Variants in CCKBR observed in about 807,000 individuals in gnomAD.
CCKBR encodes gastrin/cholecystokinin type B receptor.
In CCKBR, 33 loss-of-function variants were observed where a neutral mutation model predicts 34.6. The ratio of observed to expected loss-of-function variants is 0.95; its 90% CI spans 0.72 to 1.27. CCKBR has a LOEUF of 1.27. CCKBR is among the 50% of genes most tolerant of loss of function. CCKBR has a pLI of 0.00. For synonymous variants in CCKBR, 269 were observed against 267.5 expected (o/e 1.01, Z -0.06); for missense variants, 652 against 617.4 (o/e 1.06, Z -0.59).
Position 6,271,111 on chromosome 11 carries a change from G to C in CCKBR, c.912G>C (p.Leu304=). ...YVQLPRSRPA[L]ELTALTAPGP... ...AACTTCCACGTTCCCGGCCTGCCCT[G>C]GAGCTGACGGCGCTGACGGCTCCTG... The change falls in exon 5 of 5, where the codon CTG becomes CTC. Residue 304 remains leucine (L), a synonymous_variant. Coordinates refer to ENST00000334619, the MANE Select transcript of CCKBR (RefSeq NM_176875.4). 1 of 1,614,058 alleles carries C rather than the reference G, an allele frequency of 6.2e-7. No individual in the cohort carries two copies. Among genetic ancestry groups the C allele is most frequent in the Non-Finnish European group, 8.5e-7 (1 of 1,179,972 alleles).
chr11:6,270,868 T>C, intron 4 of CCKBR, 65 bp downstream of exon 4: 1 of 1,612,430 alleles, frequency 6.2e-7, no homozygotes, highest in Non-Finnish European at 8.5e-7. Flanking sequence ...CGGGGCCTGC[T>C]GGAGTGGGTG....
At position 6,270,312 on chromosome 11, in the gene CCKBR, C is replaced by T. The variant is rs763838521; in HGVS notation, c.628C>T (p.Pro210Ser). The T allele has an allele frequency of 3.1e-6, 5 of 1,612,836 alleles. No individual in the cohort carries two copies. Among genetic ancestry groups the T allele is most frequent in the Admixed American group, 1.7e-5 (1 of 59,988 alleles). Reference protein sequence around the residue: ...PRVLQCVHRWPSARVRQTWSV... With the variant: ...PRVLQCVHRWSSARVRQTWSV... The stretch of plus-strand genomic sequence containing the variant: ...TGTGCTGCAGTGCGTGCATCGCTGG[C>T]CCAGTGCGCGGGTCCGCCAGACCTG... Residue 210 changes from proline (P) to serine (S), a missense_variant, in exon 3 of 5, where the codon CCC becomes TCC. Transcript: ENST00000334619.
In CCKBR at chr11:6,271,787, G is replaced by A; in HGVS notation, c.*244G>A. ...CCATAGAAACATGACACTGACCTTG[G>A]AGAGACACAGCGTCCCTAGCAGTGA... is the stretch of plus-strand genomic sequence containing the variant. On this transcript the variant is annotated 3_prime_UTR_variant, in exon 5 of 5. Transcript: ENST00000334619. 2.0e-6 allele frequency: 1 copy of A among 498,684 alleles called. No homozygotes were observed. Among genetic ancestry groups the A allele is most frequent in the East Asian group, 3.1e-5 (1 of 31,912 alleles). 30.9% of individuals were successfully genotyped at this position (498,684 alleles called of 1,614,324 possible).
intron 1 of CCKBR, among the ~76,000 whole-genome samples, chr11:6,262,672 C>A: frequency 7.7e-6 from 1 of 130,706 alleles, no homozygotes; most frequent in South Asian, 2.5e-4. Flanking sequence ...TTCAAGAAGT[C>A]TGGTAGGCAA....
rs764173521 is a variant in CCKBR at position 6,261,462 on chromosome 11, T to TATATATATACATAC, written c.151+1384_151+1385insTATATATACATACA. Among the ~76,000 whole-genome samples the TATATATATACATAC allele has an allele frequency of 4.7e-5, 3 of 64,016 alleles. 1 individual carries two copies. The highest frequency in any genetic ancestry group is 8.5e-5 in the Non-Finnish European group (3 of 35,166). The allele number at this position is 64,016 out of a possible 152,430, so 42.0% of individuals were successfully genotyped here. ...AAAAAAAAAAAAAAAAAAATATATATACACACACACACACACACACACACA... is the reference window on the plus strand; with the variant it reads ...AAAAAAAAAAAAAAAAAAATATATATATATATATACATACACACACACACACACACACACACACA... On this transcript the variant is annotated intron_variant, in intron 1 of 4. Transcript: ENST00000334619.
In CCKBR at chr11:6,269,796, C is replaced by T; in HGVS notation, c.279C>T (p.Leu93=). The T allele has an allele frequency of 2.5e-6, 4 of 1,614,180 alleles. No individual in the cohort carries two copies. The highest frequency in any genetic ancestry group is 3.4e-6 in the Non-Finnish European group (4 of 1,180,030). Residue 93 remains leucine, a synonymous_variant, in exon 2 of 5, where the codon CTC becomes CTT. Transcript: ENST00000334619. ...TGAGGACTGTCACCAATGCCTTCCT[C>T]CTCTCACTGGCAGTCAGCGACCTCC... ...RRLRTVTNAF[L]LSLAVSDLLL...
chr11:6,268,263 T>C (rs1028181208), intron 1 of CCKBR, among the ~76,000 whole-genome samples: 2 of 152,268 alleles, frequency 1.3e-5, no homozygotes, highest in African/African-American at 2.4e-5. Context: ...TCAGTCAAAG[T>C]ATGGGGCTCT....
At chr11:6,265,649 T>C (rs118162102) in intron 1 of CCKBR, among the ~76,000 whole-genome samples, 1 of 151,818 alleles carries the variant, frequency 6.6e-6, no homozygotes, top group Admixed American at 6.6e-5. Context: ...CTGACAGAGG[T>C]CTCCCTCCTA....
At position 6,260,098 on chromosome 11, in the gene CCKBR, C is replaced by A. The variant is rs199635212; in HGVS notation, c.151+19C>A. 178 of 1,572,078 alleles carry A rather than the reference C, an allele frequency of 1.1e-4. 1 individual carries two copies. The highest frequency in any genetic ancestry group is 4.1e-4 in the Admixed American group (23 of 56,604). ...ACACGAGGTGGGTGCCTCCCTCAGC[C>A]CCCCCCACAAGCTATTTCTCACTGT... On this transcript the variant is annotated intron_variant, in intron 1 of 4. Transcript: ENST00000334619.
At position 6,262,737 on chromosome 11, in the gene CCKBR, G is replaced by A. The variant is rs530029605; in HGVS notation, c.151+2658G>A. Among the ~76,000 whole-genome samples the A allele has an allele frequency of 5.8e-3, 813 of 139,738 alleles. 4 individuals are homozygous for A. Among genetic ancestry groups the A allele is most frequent in the Non-Finnish European group, 7.1e-3 (461 of 64,728 alleles). 91.7% of individuals were successfully genotyped at this position (139,738 alleles called of 152,430 possible). A position where few individuals can be genotyped will look rare whatever the true frequency, so the allele number is the denominator to read the frequency against. On this transcript the variant is annotated intron_variant, in intron 1 of 4. Coordinates refer to ENST00000334619, the MANE Select transcript of CCKBR (RefSeq NM_176875.4). Reference sequence around the variant, plus strand: ...GAGAGAGAGAGAGAAAGAAAAGCAGGATATTGCCAAAAATAGCATGAGATT... The same window carrying A: ...GAGAGAGAGAGAGAAAGAAAAGCAGAATATTGCCAAAAATAGCATGAGATT...
At chr11:6,265,800 G>A (rs528821127) in intron 1 of CCKBR, among the ~76,000 whole-genome samples, 1 of 152,250 alleles carries the variant, frequency 6.6e-6, no homozygotes, top group Non-Finnish European at 1.5e-5. Context: ...CAAAAGTTAT[G>A]CATCTGAAAT....
chr11:6,269,617 T>C, intron 1 of CCKBR, 52 bp from the exon 2 acceptor site: 1 of 1,592,712 alleles, frequency 6.3e-7, no homozygotes, highest in Non-Finnish European at 8.5e-7. Flanking sequence ...GAGGGGGATT[T>C]GACTGAATGA....
chr11:6,270,866 G>A (rs1190497267), intron 4 of CCKBR, 63 bp downstream of exon 4: 1 of 1,612,618 alleles, frequency 6.2e-7, no homozygotes, highest in Admixed American at 1.7e-5. Flanking sequence ...GACGGGGCCT[G>A]CTGGAGTGGG....
intron 1 of CCKBR, among the ~76,000 whole-genome samples, chr11:6,260,449 G>A (rs1332823634): frequency 1.3e-5 from 2 of 152,124 alleles, no homozygotes; most frequent in Admixed American, 6.5e-5. Flanking sequence ...CCAGTTCACA[G>A]AGCCACAACA....
At position 6,260,072 on chromosome 11, in the gene CCKBR, G is replaced by T; in HGVS notation, c.144G>T (p.Gly48=). The part of the protein sequence containing the change: ...SCEPPRIRGA[G]TRELELAIRI... ...AGCCCCCTCGCATTCGCGGAGCCGG[G>T]ACACGAGGTGGGTGCCTCCCTCAGC... The change falls in exon 1 of 5, where the codon GGG becomes GGT. Residue 48 remains glycine, a synonymous_variant. Coordinates refer to ENST00000334619, the MANE Select transcript of CCKBR (RefSeq NM_176875.4). 6.3e-7 allele frequency: 1 copy of T among 1,592,402 alleles called. No homozygotes were observed. The highest frequency in any genetic ancestry group is 1.4e-5 in the African/African-American group (1 of 73,322).
At chr11:6,265,685 CACTT>C (rs1848199608) in intron 1 of CCKBR, among the ~76,000 whole-genome samples, 1 of 152,206 alleles carries the variant, frequency 6.6e-6, no homozygotes, top group South Asian at 2.1e-4. Context: ...CCACCATACA[CACTT>C]ACTCCCCTCA....
chr11:6,269,768 G>C lies in CCKBR; in HGVS notation c.251G>C (p.Arg84Pro). The C allele has an allele frequency of 6.2e-7, 1 of 1,614,142 alleles. No individual in the cohort carries two copies. Among genetic ancestry groups the C allele is most frequent in the Non-Finnish European group, 8.5e-7 (1 of 1,180,030 alleles). ...LIIVVLGLSR[R>P]LRTVTNAFLL... ...ATCGTGGTCCTGGGACTGAGCCGCC[G>C]CCTGAGGACTGTCACCAATGCCTTC... Residue 84 changes from arginine (R) to proline (P), a missense_variant, in exon 2 of 5, where the codon CGC (arginine) becomes CCC (proline). Coordinates refer to ENST00000334619, the MANE Select transcript of CCKBR (RefSeq NM_176875.4).
intron 1 of CCKBR, among the ~76,000 whole-genome samples, chr11:6,264,228 G>A (rs1848177181): frequency 6.6e-6 from 1 of 152,132 alleles, no homozygotes; most frequent in Non-Finnish European, 1.5e-5. Flanking sequence ...CCACTATGTG[G>A]ATTCCCCCAT....
chr11:6,264,756 TAA>T (rs1211139819), intron 1 of CCKBR: 5 of 458,402 alleles, frequency 1.1e-5, no homozygotes, highest in African/African-American at 1.1e-4. Context: ...CATACAAGTC[TAA>T]GTCTGATTTA....
Sources: gnomAD v4.1 joint callset for allele counts (sites outside exome capture counted in the v4.1 genomes callset) on GRCh38, gnomAD v4.1.1 for gene constraint, MANE v1.5 for transcripts, NCBI Gene and HGNC (gene_info 2026-07-23, HGNC 2026-07-21) for gene names.